The following DRC3 variants were observed in gnomAD, a reference collection of about 807,000 sequenced individuals.
DRC3 encodes the protein dynein regulatory complex subunit 3.
A neutral mutation model predicts 57.6 loss-of-function variants in DRC3; 45 were observed. The observed-to-expected ratio is 0.78, with a 90% CI of 0.62 to 1.00. DRC3 has a LOEUF of 1.00. DRC3 is among the 50% of genes least tolerant of loss of function. The probability of loss-of-function intolerance (pLI) is 0.00; values close to 1 mark genes in which losing one functional copy is unlikely to be tolerated. For missense variants in DRC3, 655 were observed against 675.2 expected (o/e 0.97, Z 0.33); for synonymous variants, 257 against 272.3 (o/e 0.94, Z 0.55).
At chr17:17,991,206 C>A (rs1293430433) in intron 5 of DRC3, among the ~76,000 whole-genome samples, 1 of 150,958 alleles carries the variant, frequency 6.6e-6, no homozygotes, top group Non-Finnish European at 1.5e-5. Flanking sequence ...GAAAGAAATT[C>A]ACTCAGAAAA....
chr17:17,999,849 G>A (rs988640228), intron 9 of DRC3, among the ~76,000 whole-genome samples: 1 of 152,268 alleles, frequency 6.6e-6, no homozygotes. Context: ...TGAGTAGTGT[G>A]TGCACATGGC....
intron 9 of DRC3, among the ~76,000 whole-genome samples, chr17:17,999,649 C>T (rs1045376739): frequency 1.3e-5 from 2 of 152,246 alleles, no homozygotes; most frequent in Non-Finnish European, 2.9e-5. Context: ...CAGGCAGACT[C>T]CTCACTGGTG....
chr17:17,981,936 C>G (rs2042711030), intron 3 of DRC3, among the ~76,000 whole-genome samples: 1 of 152,116 alleles, frequency 6.6e-6, no homozygotes, highest in Non-Finnish European at 1.5e-5. Context: ...AATCCACCGG[C>G]CTTGGCCTCC....
chr17:17,994,464 A>T (rs1327827019), intron 7 of DRC3, 46 bp downstream of exon 7: 10 of 1,542,958 alleles, frequency 6.5e-6, no homozygotes, highest in Non-Finnish European at 8.7e-6. Flanking sequence ...TCAGATGCCC[A>T]CAAGAGGGCA....
intron 4 of DRC3, 60 bp downstream of exon 4, chr17:17,984,004 T>C: frequency 9.1e-7 from 1 of 1,098,366 alleles, no homozygotes; most frequent in South Asian, 1.3e-5. Flanking sequence ...ACAAGGTTAT[T>C]GCCTTCCCAG....
chr17:17,989,037 C>T (rs534475179), intron 5 of DRC3, among the ~76,000 whole-genome samples: 1 of 152,126 alleles, frequency 6.6e-6, no homozygotes, highest in East Asian at 1.9e-4. Flanking sequence ...GCATTTGGTT[C>T]GGTGTCAGGC....
At chr17:18,004,646 T>A in intron 10 of DRC3, 152 bp downstream of exon 10, 1 of 734,148 alleles carries the variant, frequency 1.4e-6, no homozygotes, top group Non-Finnish European at 2.2e-6. Flanking sequence ...TCAGTCCTGT[T>A]TGCTTTTATT....
At chr17:18,004,570 A>C in intron 10 of DRC3, 76 bp downstream of exon 10, 1 of 1,526,460 alleles carries the variant, frequency 6.6e-7, no homozygotes, top group Non-Finnish European at 8.9e-7. Flanking sequence ...TGTAGCCTTC[A>C]TGGGCACGCC....
chr17:17,982,980 C>T (rs2042779402), intron 3 of DRC3, among the ~76,000 whole-genome samples: 1 of 152,202 alleles, frequency 6.6e-6, no homozygotes, highest in Admixed American at 6.5e-5. Flanking sequence ...CTGGGAAAAC[C>T]TGGCAGACAA....
At chr17:18,000,961 A>C (rs945584498) in intron 9 of DRC3, among the ~76,000 whole-genome samples, 2 of 152,052 alleles carry the variant, frequency 1.3e-5, no homozygotes, top group Non-Finnish European at 2.9e-5. Context: ...AGTGCAGTGC[A>C]CCATTATAGC....
intron 3 of DRC3, chr17:17,977,966 C>T (rs1339480788): frequency 6.2e-6 from 3 of 486,048 alleles, no homozygotes; most frequent in South Asian, 6.7e-5. Flanking sequence ...ATATCCACGA[C>T]GCTCCGGATT....
chr17:18,007,851 C>G (rs1332498117), intron 12 of DRC3: 3 of 1,010,474 alleles, frequency 3.0e-6, no homozygotes, highest in Admixed American at 5.6e-5. Context: ...CAGCTTCTCT[C>G]TGTCGCGACA....
chr17:17,979,649 G>A (rs1022970225), intron 3 of DRC3, among the ~76,000 whole-genome samples: 7 of 152,178 alleles, frequency 4.6e-5, no homozygotes, highest in Admixed American at 2.6e-4. Context: ...GGAAAAAGCC[G>A]GCATGCTGGC....
chr17:17,983,962 G>T lies in DRC3; in HGVS notation c.277+18G>T. On this transcript the variant is annotated intron_variant, in intron 4 of 13. Transcript: ENST00000399187. ...CTGGCTGGGTAAGGCCCTTTCCTCT[G>T]TGTGTCCACCCTAATCGAAGGTGAC... 6.6e-7 allele frequency: 1 copy of T among 1,515,738 alleles called. No individual in the cohort carries two copies. The highest frequency in any genetic ancestry group is 9.2e-7 in the Non-Finnish European group (1 of 1,092,192). The allele number at this position is 1,515,738 out of a possible 1,614,324, so 93.9% of individuals were successfully genotyped here. A position where few individuals can be genotyped will look rare whatever the true frequency, so the allele number is the denominator to read the frequency against.
At chr17:17,985,677 G>A (rs534539585) in intron 4 of DRC3, among the ~76,000 whole-genome samples, 4 of 152,146 alleles carry the variant, frequency 2.6e-5, no homozygotes, top group East Asian at 3.8e-4. Context: ...AATTGGCCAC[G>A]GTGGGAGTAT....
At chr17:18,016,430 G>A (rs1012723164) in intron 13 of DRC3, 128 bp from the exon 14 acceptor site, 1 of 795,852 alleles carries the variant, frequency 1.3e-6, no homozygotes, top group Non-Finnish European at 2.0e-6. Context: ...AGAACCTGGG[G>A]AGGCGCTGAA....
At chr17:17,992,943 G>A in intron 6 of DRC3, 32 bp downstream of exon 6, 1 of 1,611,232 alleles carries the variant, frequency 6.2e-7, no homozygotes, top group Non-Finnish European at 8.5e-7. Flanking sequence ...TCCCAGCCCT[G>A]TGAGACAGAT....
intron 4 of DRC3, 33 bp from the exon 5 acceptor site, chr17:17,987,899 C>A: frequency 6.2e-7 from 1 of 1,607,996 alleles, no homozygotes; most frequent in Non-Finnish European, 8.5e-7. Flanking sequence ...CTGACCCAGG[C>A]AGCAGACCCT....
rs1402953614 is a variant in DRC3 at position 17,992,904 on chromosome 17, A to G, written c.584A>G (p.Asp195Gly). The G allele has an allele frequency of 8.7e-6, 14 of 1,613,746 alleles. No homozygotes were observed. The African/African-American group carries it at 1.3e-4, about 15-fold the overall frequency. Residue 195 changes from aspartate (D) to glycine (G), a missense_variant, in exon 6 of 14, where the codon GAC becomes GGC. Coordinates refer to ENST00000399187, the MANE Select transcript of DRC3 (RefSeq NM_031294.4). ...LMYLDYRRID[D>G]HTKKLAEAKH... Reference sequence around the variant, plus strand: ...TACCTGGACTACCGGCGCATTGATGACCACACAGCAAGTGTCTCCCTCTCA... The same window carrying G: ...TACCTGGACTACCGGCGCATTGATGGCCACACAGCAAGTGTCTCCCTCTCA...
Sources: allele counts gnomAD v4.1 joint callset (sites outside exome capture counted in the v4.1 genomes callset), GRCh38; gene constraint gnomAD v4.1.1; transcripts MANE v1.5; gene names NCBI Gene and HGNC (gene_info 2026-07-23, HGNC 2026-07-21).